MGAT4A: variants seen among roughly 807,000 people sequenced by gnomAD.
MGAT4A encodes N-acetylglucosaminyltransferase IVa.
A neutral mutation model predicts 74.1 loss-of-function variants in MGAT4A; 33 were observed. The observed-to-expected ratio is 0.45, with a 90% confidence interval of 0.34 to 0.60. The LOEUF is 0.60. Ranked by LOEUF, MGAT4A falls within the 20% of genes least tolerant of loss-of-function variation. The pLI, the probability that MGAT4A is intolerant of heterozygous loss-of-function variation, is 0.02. For missense variants in MGAT4A, 479 were observed against 628.3 expected (o/e 0.76, Z 2.54); for synonymous variants, 198 against 210.4 (o/e 0.94, Z 0.51).
chr2:98,654,648 A>T (rs1415013867), intron 8 of MGAT4A, among the ~76,000 whole-genome samples: 1 of 152,198 alleles, frequency 6.6e-6, no homozygotes, highest in African/African-American at 2.4e-5. Context: ...AAATCAAAGA[A>T]GATACAAATA....
At chr2:98,645,832 G>C (rs1701476228) in intron 8 of MGAT4A, among the ~76,000 whole-genome samples, 1 of 152,142 alleles carries the variant, frequency 6.6e-6, no homozygotes. Flanking sequence ...CATGTGAGTG[G>C]ATGGGGCAGA....
rs1170375287 is a variant in MGAT4A at position 98,622,774 on chromosome 2, C to CACACCAT, written c.*2785_*2791dup. 2.1e-5 allele frequency: 21 copies of CACACCAT among 985,500 alleles called. No individual in the cohort carries two copies. The African/African-American group carries it at 3.7e-4, about 17-fold the overall frequency. 61.0% of individuals were successfully genotyped at this position (985,500 alleles called of 1,614,324 possible). A position where few individuals can be genotyped will look rare whatever the true frequency, so the allele number is the denominator to read the frequency against. On this transcript the variant is annotated 3_prime_UTR_variant, in exon 16 of 16. Coordinates refer to ENST00000393487, the MANE Select transcript of MGAT4A (RefSeq NM_012214.3). The stretch of plus-strand genomic sequence containing the variant: ...CTGAAATCTGGTCAGAGAGACAGCA[C>CACACCAT]ACACCATACACACAAACAATCAAAA...
intron 2 of MGAT4A, among the ~76,000 whole-genome samples, chr2:98,720,589 T>C (rs1191759315): frequency 6.6e-6 from 1 of 151,282 alleles, no homozygotes; most frequent in East Asian, 1.9e-4. Flanking sequence ...CCAGTTCCTA[T>C]AATAAATCTT....
chr2:98,647,782 C>G (rs1049425109), intron 8 of MGAT4A, among the ~76,000 whole-genome samples: 1 of 152,188 alleles, frequency 6.6e-6, no homozygotes, highest in Non-Finnish European at 1.5e-5. Flanking sequence ...AAACTCCATT[C>G]CAAGCCACAG....
At chr2:98,658,125 TG>T in intron 6 of MGAT4A, 92 bp downstream of exon 6, 1 of 785,490 alleles carries the variant, frequency 1.3e-6, no homozygotes, top group Non-Finnish European at 2.2e-6. Flanking sequence ...CACAGAGAAA[TG>T]AACTATCAAG....
chr2:98,701,190 CA>C (rs1406879240), intron 2 of MGAT4A, among the ~76,000 whole-genome samples: 4 of 152,070 alleles, frequency 2.6e-5, no homozygotes, highest in Non-Finnish European at 5.9e-5. Flanking sequence ...GAAAATATAC[CA>C]AAAATGTTTA....
At chr2:98,730,479 G>A (rs903150829) in intron 1 of MGAT4A, among the ~76,000 whole-genome samples, 1 of 152,184 alleles carries the variant, frequency 6.6e-6, no homozygotes, top group Non-Finnish European at 1.5e-5. Flanking sequence ...AATTCCCTGC[G>A]AAGGCTGCAC....
At chr2:98,690,296 T>C (rs1377688513) in intron 2 of MGAT4A, among the ~76,000 whole-genome samples, 1 of 152,106 alleles carries the variant, frequency 6.6e-6, no homozygotes, top group Non-Finnish European at 1.5e-5. Context: ...GTAATGAGCC[T>C]CCTGGTGAGG....
chr2:98,639,660 G>C (rs1701376336), intron 12 of MGAT4A, 148 bp downstream of exon 12: 1 of 549,080 alleles, frequency 1.8e-6, no homozygotes, highest in Non-Finnish European at 3.1e-6. Flanking sequence ...TTATTATGGA[G>C]TTGTTTTACA....
At chr2:98,676,203 C>T (rs887247253) in intron 3 of MGAT4A, among the ~76,000 whole-genome samples, 2 of 152,032 alleles carry the variant, frequency 1.3e-5, no homozygotes, top group Non-Finnish European at 2.9e-5. Flanking sequence ...ACCAAAAATT[C>T]ACGAAAGAAA....
In MGAT4A at chr2:98,621,450, T is replaced by C; in HGVS notation, c.*4116A>G. The C allele has an allele frequency of 6.4e-7, 1 of 1,551,678 alleles. No homozygotes were observed. Among genetic ancestry groups the C allele is most frequent in the Non-Finnish European group, 8.7e-7 (1 of 1,146,976 alleles). On this transcript the variant is annotated 3_prime_UTR_variant, in exon 16 of 16. Transcript: ENST00000393487. ...TCTACCTTAAAACAGCAATGGTGCCTGAGGTCCTTCTGCTTTGTCTCTTGA... is the reference window on the plus strand; with the variant it reads ...TCTACCTTAAAACAGCAATGGTGCCCGAGGTCCTTCTGCTTTGTCTCTTGA...
chr2:98,621,847 ACAC>A lies in MGAT4A; in HGVS notation c.*3716_*3718del. The A allele has an allele frequency of 9.8e-7, 1 of 1,024,128 alleles. No homozygotes were observed. Among genetic ancestry groups the A allele is most frequent in the Non-Finnish European group, 1.2e-6 (1 of 854,610 alleles). The allele number at this position is 1,024,128 out of a possible 1,614,324, so 63.4% of individuals were successfully genotyped here. A position where few individuals can be genotyped will look rare whatever the true frequency, so the allele number is the denominator to read the frequency against. ...TTTGCTTATAGTTTTAAAAATAACA[ACAC>A]CTTCTAATTATTGACTAGTGCAACC... is the stretch of plus-strand genomic sequence containing the variant. On this transcript the variant is annotated 3_prime_UTR_variant, in exon 16 of 16. Transcript: ENST00000393487.
At chr2:98,700,682 G>A (rs1401439039) in intron 2 of MGAT4A, among the ~76,000 whole-genome samples, 1 of 152,108 alleles carries the variant, frequency 6.6e-6, no homozygotes, top group Non-Finnish European at 1.5e-5. Flanking sequence ...CCTGAGGTCA[G>A]CAGTTTGAGA....
intron 2 of MGAT4A, among the ~76,000 whole-genome samples, chr2:98,710,118 T>G (rs893962357): frequency 2.6e-5 from 4 of 152,178 alleles, no homozygotes; most frequent in Non-Finnish European, 5.9e-5. Context: ...CACCCAAATT[T>G]TGAAGTCTCT....
At chr2:98,644,346 C>T (rs529845984) in intron 9 of MGAT4A, among the ~76,000 whole-genome samples, 17 of 152,252 alleles carry the variant, frequency 1.1e-4, no homozygotes, top group African/African-American at 3.9e-4. Context: ...GAGATTTTCC[C>T]TTCGTGTCTT....
chr2:98,669,063 T>C (rs1035444768), intron 4 of MGAT4A, among the ~76,000 whole-genome samples: 1 of 152,180 alleles, frequency 6.6e-6, no homozygotes, highest in Non-Finnish European at 1.5e-5. Context: ...GACTGTGGAC[T>C]TTTGAGTTAA....
intron 2 of MGAT4A, among the ~76,000 whole-genome samples, chr2:98,718,336 C>A (rs1015226288): frequency 1.3e-5 from 2 of 152,188 alleles, no homozygotes; most frequent in Non-Finnish European, 2.9e-5. Context: ...AGCTCCACTT[C>A]CAACGCAACA....
chr2:98,667,771 G>A (rs919775396), intron 4 of MGAT4A, among the ~76,000 whole-genome samples: 2 of 152,078 alleles, frequency 1.3e-5, no homozygotes, highest in African/African-American at 2.4e-5. Context: ...CCAGGCTGGA[G>A]TGCAATGGCA....
Position 98,645,552 on chromosome 2 carries a change from A to G in MGAT4A, c.775-10T>C. Reference sequence around the variant, plus strand: ...TAATATCATCTTCAAGCTAGAGAAAATTGAACAATCATATTAATACATCAA... The same window carrying G: ...TAATATCATCTTCAAGCTAGAGAAAGTTGAACAATCATATTAATACATCAA... On this transcript the variant is annotated splice_polypyrimidine_tract_variant and intron_variant, in intron 8 of 15. Coordinates refer to ENST00000393487, the MANE Select transcript of MGAT4A (RefSeq NM_012214.3). The G allele has an allele frequency of 6.5e-7, 1 of 1,532,082 alleles. No homozygotes were observed. The highest frequency in any genetic ancestry group is 1.2e-5 in the South Asian group (1 of 80,652). 94.9% of individuals were successfully genotyped at this position (1,532,082 alleles called of 1,614,324 possible).
Sources: allele counts gnomAD v4.1 joint callset (sites outside exome capture counted in the v4.1 genomes callset), GRCh38; gene constraint gnomAD v4.1.1; transcripts MANE v1.5; gene names NCBI Gene and HGNC (gene_info 2026-07-23, HGNC 2026-07-21).